The following ACTN4 variants were observed in gnomAD, a reference collection of about 807,000 sequenced individuals.
ACTN4 encodes actinin alpha 4.
A neutral mutation model predicts 114.2 loss-of-function variants in ACTN4; 18 were observed. The observed-to-expected ratio is 0.16, with a 90% CI of 0.11 to 0.23. The LOEUF (loss-of-function observed/expected upper bound fraction) is 0.23. Ranked by LOEUF, ACTN4 falls within the 10% of genes least tolerant of loss-of-function variation. The probability of loss-of-function intolerance (pLI) is 1.00; values close to 1 mark genes in which losing one functional copy is unlikely to be tolerated. For synonymous variants in ACTN4, 515 were observed against 506.3 expected (o/e 1.02, Z -0.23); for missense variants, 722 against 1,262.9 (o/e 0.57, Z 6.49).
chr19:38,678,582 A>G (rs1967450859), intron 1 of ACTN4, among the ~76,000 whole-genome samples: 1 of 152,308 alleles, frequency 6.6e-6, no homozygotes, highest in East Asian at 1.9e-4. Context: ...CTAGAGAAAG[A>G]TAGAGGATAC....
At position 38,698,675 on chromosome 19, in the gene ACTN4, G is replaced by T. The variant is rs550634231; in HGVS notation, c.163-1925G>T. Among the ~76,000 whole-genome samples, 19 of 152,326 alleles carry T rather than the reference G, an allele frequency of 1.2e-4. No homozygotes were observed. The South Asian group carries it at 3.1e-3, about 25-fold the overall frequency. On this transcript the variant is annotated intron_variant, in intron 1 of 20. Coordinates refer to ENST00000252699, the MANE Select transcript of ACTN4 (RefSeq NM_004924.6). ...ATGGCGGGGCGGAGGTATCTTTAGT[G>T]GGGGAACAGCGTTGTGCCACCAGGA...
chr19:38,706,983 G>A (rs1599830992), intron 5 of ACTN4, among the ~76,000 whole-genome samples: 2 of 152,306 alleles, frequency 1.3e-5, no homozygotes, highest in East Asian at 1.9e-4. Flanking sequence ...CTCTGGGGGC[G>A]GTCCTGAGGT....
rs773812055 is a variant in ACTN4, at chr19:38,727,078, G to A, written c.2312G>A (p.Arg771Gln). The change falls in exon 18 of 21, where the codon CGG becomes CAG. Residue 771 changes from arginine (R) to glutamine (Q), a missense_variant. Arg to Gln is a conservative substitution (Grantham distance 43, BLOSUM62 1). Transcript: ENST00000252699. This position sits in a 1 kb window ranked among gnomAD's most constrained non-coding sequence, Gnocchi z 5.4. ...GISQEQMQEFRASFNHFDKDH... is the reference protein window; with the variant it reads ...GISQEQMQEFQASFNHFDKDH... ...AGCCAGGAGCAGATGCAGGAGTTCC[G>A]GGCGTCCTTCAACCACTTCGACAAG... The A allele has an allele frequency of 4.3e-6, 7 of 1,614,072 alleles. No homozygotes were observed. The highest frequency in any genetic ancestry group is 5.9e-6 in the Non-Finnish European group (7 of 1,180,012).
chr19:38,675,511 GGC>G (rs1967345015), intron 1 of ACTN4, among the ~76,000 whole-genome samples: 1 of 152,232 alleles, frequency 6.6e-6, no homozygotes, highest in Non-Finnish European at 1.5e-5. Context: ...TAGGATTACA[GGC>G]GTGAGCCGCT....
At chr19:38,679,603 T>TGTGTG (rs1599788894) in intron 1 of ACTN4, among the ~76,000 whole-genome samples, 1 of 77,396 alleles carries the variant, frequency 1.3e-5, no homozygotes, top group African/African-American at 3.7e-5. Flanking sequence ...GTGTGTGTAT[T>TGTGTG]TTTTTAGAGA....
intron 1 of ACTN4, among the ~76,000 whole-genome samples, chr19:38,651,860 T>C (rs1976572713): frequency 6.6e-6 from 1 of 152,004 alleles, no homozygotes. Context: ...GCCTCCTGAG[T>C]AGCTGGGACT....
chr19:38,663,495 G>A (rs1423066927), intron 1 of ACTN4, among the ~76,000 whole-genome samples: 2 of 152,226 alleles, frequency 1.3e-5, no homozygotes, highest in Non-Finnish European at 2.9e-5. Flanking sequence ...CACTCTAGCT[G>A]TGTCCCGGGA....
At chr19:38,661,904 G>A (rs966575052) in intron 1 of ACTN4, among the ~76,000 whole-genome samples, 5 of 152,034 alleles carry the variant, frequency 3.3e-5, no homozygotes, top group East Asian at 1.9e-4. Flanking sequence ...CGCCCGCCTC[G>A]GCTTCCCAAA....
In ACTN4 at chr19:38,709,340, G is replaced by T. The variant is rs56737532; in HGVS notation, c.652-55G>T. 44,098 of 1,382,880 alleles carry T rather than the reference G, an allele frequency of 0.032. 1,333 individuals carry two copies. Among genetic ancestry groups the T allele is most frequent in the Admixed American group, 0.11 (6,635 of 59,658 alleles). The allele number at this position is 1,382,880 out of a possible 1,614,324, so 85.7% of individuals were successfully genotyped here. On this transcript the variant is annotated intron_variant, in intron 6 of 20. Coordinates refer to ENST00000252699, the MANE Select transcript of ACTN4 (RefSeq NM_004924.6). ...TCTGGGCCAGCCCTGCCTCCCTCCT[G>T]CTCCTGCACCCTGCCCTGACGGAGT...
chr19:38,715,170 G>C (rs1284212295), intron 9 of ACTN4, among the ~76,000 whole-genome samples: 1 of 152,194 alleles, frequency 6.6e-6, no homozygotes, highest in Non-Finnish European at 1.5e-5. Flanking sequence ...AACTCTTCTG[G>C]AGGCTCTTCA....
At position 38,727,760 on chromosome 19, in the gene ACTN4, T is replaced by A. The variant is rs906314015; in HGVS notation, c.2338-186T>A. ...TGAGCTTCCGAGGTTGGGGAAAGGA[T>A]GAAAGGGGCCCGTGCCGCCCCCGAC... On this transcript the variant is annotated intron_variant, in intron 18 of 20. Transcript: ENST00000252699. This position sits in a 1 kb window ranked among gnomAD's most constrained non-coding sequence, Gnocchi z 5.4. 9.7e-6 allele frequency: 6 copies of A among 620,848 alleles called. No homozygotes were observed. The highest frequency in any genetic ancestry group is 9.2e-5 in the African/African-American group (5 of 54,480). The allele number at this position is 620,848 out of a possible 1,614,324, so 38.5% of individuals were successfully genotyped here. A position where few individuals can be genotyped will look rare whatever the true frequency, so the allele number is the denominator to read the frequency against.
At position 38,724,092 on chromosome 19, in the gene ACTN4, G is replaced by GCC; in HGVS notation, c.1692+20_1692+21dup. ...AGGAGATTGAGGTTCGCACCCCCCG[G>GCC]CCCCCCATCTTCCCAAGAGCCTCTG... On this transcript the variant is annotated intron_variant, in intron 14 of 20. Transcript: ENST00000252699. The surrounding 1 kb of genome is among the most constrained non-coding windows in gnomAD (Gnocchi z 7.0). 6.2e-7 allele frequency: 1 copy of GCC among 1,613,482 alleles called. No homozygotes were observed.
chr19:38,675,352 G>A (rs1357499051), intron 1 of ACTN4, among the ~76,000 whole-genome samples: 1 of 152,156 alleles, frequency 6.6e-6, no homozygotes, highest in East Asian at 1.9e-4. Flanking sequence ...TACAATCATG[G>A]CTCATTGCAG....
At chr19:38,679,678 G>A (rs1422134317) in intron 1 of ACTN4, among the ~76,000 whole-genome samples, 1 of 151,540 alleles carries the variant, frequency 6.6e-6, no homozygotes, top group Non-Finnish European at 1.5e-5. Flanking sequence ...TGCGGCCTCT[G>A]AACTCCTGGG....
chr19:38,705,050 C>A, intron 4 of ACTN4, 30 bp downstream of exon 4: 2 of 1,594,894 alleles, frequency 1.3e-6, no homozygotes, highest in East Asian at 4.5e-5. Flanking sequence ...CCCCCGCTTC[C>A]CACCTGAGTC....
At chr19:38,673,567 TTA>T (rs543881909) in intron 1 of ACTN4, among the ~76,000 whole-genome samples, 1 of 94,142 alleles carries the variant, frequency 1.1e-5, no homozygotes, top group African/African-American at 4.1e-5. Flanking sequence ...TTATATATAT[TTA>T]TATATATTCA....
intron 1 of ACTN4, among the ~76,000 whole-genome samples, chr19:38,682,824 C>T (rs1368973516): frequency 6.6e-6 from 1 of 152,306 alleles, no homozygotes; most frequent in East Asian, 1.9e-4. Context: ...TGGGAATGAT[C>T]TCCCCCTGGT....
intron 1 of ACTN4, among the ~76,000 whole-genome samples, chr19:38,673,824 C>T (rs62121816): frequency 0.32 from 33,719 of 106,226 alleles, 7,347 homozygotes; most frequent in Non-Finnish European, 0.42. Flanking sequence ...TCTCTATCAC[C>T]CAGGCTGGAG....
intron 19 of ACTN4, chr19:38,728,255 G>A: frequency 6.6e-7 from 1 of 1,508,820 alleles, no homozygotes; most frequent in Non-Finnish European, 9.0e-7. Flanking sequence ...TGCACATGGG[G>A]CGGCCCCTCT....
Sources: allele counts gnomAD v4.1 joint callset (sites outside exome capture counted in the v4.1 genomes callset), GRCh38; gene constraint gnomAD v4.1.1; non-coding constraint Gnocchi (gnomAD v3.1); transcripts MANE v1.5; gene names NCBI Gene and HGNC (gene_info 2026-07-23, HGNC 2026-07-21).